FBXO4: variants seen among roughly 807,000 people sequenced by gnomAD.
The protein encoded by FBXO4 is F-box protein 4.
Under a neutral mutation model 43.7 loss-of-function variants are expected in FBXO4, and 36 were observed. That is an observed-to-expected ratio of 0.82 (90% CI 0.63 to 1.09). The LOEUF (loss-of-function observed/expected upper bound fraction) is 1.09, where lower values mean the gene tolerates loss of function less well. Ranked by LOEUF, FBXO4 falls within the 50% of genes least tolerant of loss-of-function variation. The pLI, the probability that FBXO4 is intolerant of heterozygous loss-of-function variation, is 0.00. For missense variants in FBXO4, 435 were observed against 474.1 expected, an observed-to-expected ratio of 0.92 and a Z score of 0.77; for synonymous variants, 180 against 165.6, an observed-to-expected ratio of 1.09 and a Z score of -0.67.
chr5:42,033,920 C>T, the FBXO4 span, among the ~76,000 whole-genome samples: 1 of 152,116 alleles, frequency 6.6e-6, no homozygotes, highest in Non-Finnish European at 1.5e-5. Context: ...GTTCTAGATC[C>T]TTGAGGAATC....
chr5:41,930,650 TTTTC>T (rs59530568), intron 3 of FBXO4, among the ~76,000 whole-genome samples: 47 of 150,412 alleles, frequency 3.1e-4, no homozygotes, highest in East Asian at 2.7e-3. Context: ...AACTACATTT[TTTTC>T]TTTCTTTCTT....
chr5:42,023,138 G>A, the FBXO4 span, among the ~76,000 whole-genome samples: 3 of 151,998 alleles, frequency 2.0e-5, no homozygotes, highest in Non-Finnish European at 2.9e-5. Context: ...TTCTAGGACC[G>A]AATACGTGGG....
the FBXO4 span, among the ~76,000 whole-genome samples, chr5:41,950,857 A>G: frequency 6.6e-6 from 1 of 152,242 alleles, no homozygotes; most frequent in African/African-American, 2.4e-5. Context: ...TGTGCCACAT[A>G]TACACCATGG....
the FBXO4 span, among the ~76,000 whole-genome samples, chr5:41,997,166 G>A: frequency 6.6e-6 from 1 of 152,190 alleles, no homozygotes; most frequent in South Asian, 2.1e-4. Context: ...CTGCATACCA[G>A]CTACCAGGAG....
the FBXO4 span, among the ~76,000 whole-genome samples, chr5:41,996,706 A>G: frequency 6.6e-6 from 1 of 152,204 alleles, no homozygotes; most frequent in African/African-American, 2.4e-5. Context: ...CCCACTAGGC[A>G]TTGTGCATCT....
chr5:41,986,997 T>C, the FBXO4 span, among the ~76,000 whole-genome samples: 21 of 152,152 alleles, frequency 1.4e-4, no homozygotes, highest in Non-Finnish European at 2.8e-4. Context: ...CCATTTAGCT[T>C]TAATGCCTGA....
At chr5:41,984,320 T>A in the FBXO4 span, among the ~76,000 whole-genome samples, 4 of 152,330 alleles carry the variant, frequency 2.6e-5, no homozygotes, top group Admixed American at 6.5e-5. Context: ...GTAAAATCTT[T>A]CAAATTTACT....
chr5:41,960,663 T>A, the FBXO4 span, among the ~76,000 whole-genome samples: 20 of 152,184 alleles, frequency 1.3e-4, no homozygotes, highest in African/African-American at 4.3e-4. Flanking sequence ...TATTGTTTGA[T>A]CATGGTGAAT....
At chr5:41,958,156 A>G in the FBXO4 span, among the ~76,000 whole-genome samples, 1 of 135,132 alleles carries the variant, frequency 7.4e-6, no homozygotes. Context: ...TTTTTTTGAG[A>G]CGGAGTCTCG....
chr5:42,029,649 T>C, the FBXO4 span, among the ~76,000 whole-genome samples: 1 of 151,970 alleles, frequency 6.6e-6, no homozygotes, highest in Non-Finnish European at 1.5e-5. Context: ...TTTTATTTTT[T>C]CTTTTATCTC....
At chr5:42,006,073 T>C in the FBXO4 span, among the ~76,000 whole-genome samples, 2 of 152,114 alleles carry the variant, frequency 1.3e-5, no homozygotes, top group East Asian at 3.8e-4. Flanking sequence ...TATTGACATA[T>C]GTTGACATAT....
chr5:41,980,818 A>G, the FBXO4 span, among the ~76,000 whole-genome samples: 4 of 151,876 alleles, frequency 2.6e-5, no homozygotes, highest in Non-Finnish European at 5.9e-5. Flanking sequence ...TTTCTGAGAT[A>G]AAAAGAATAT....
chr5:41,929,867 C>T lies in FBXO4; in HGVS notation c.596C>T (p.Ser199Phe). Residue 199 changes from serine to phenylalanine, a missense_variant, in exon 3 of 7, where the codon TCT becomes TTT. Transcript: ENST00000281623. ...ACCTCTTTGGTGTTGAGCTTGATGT[C>T]TTCAGAGGAACTTTGCCCAACAGCT... ...LNTSLVLSLM[S>F]SEELCPTAGL... The T allele has an allele frequency of 1.2e-6, 2 of 1,613,750 alleles. No individual in the cohort carries two copies. The highest frequency in any genetic ancestry group is 3.3e-5 in the Admixed American group (2 of 59,876).
chr5:41,998,280 C>T, the FBXO4 span, among the ~76,000 whole-genome samples: 1 of 152,196 alleles, frequency 6.6e-6, no homozygotes, highest in Non-Finnish European at 1.5e-5. Context: ...ATCTGATATA[C>T]AGAGAAGAGC....
intron 3 of FBXO4, among the ~76,000 whole-genome samples, chr5:41,932,750 A>T (rs1254795491): frequency 6.6e-6 from 1 of 152,184 alleles, no homozygotes; most frequent in Non-Finnish European, 1.5e-5. Flanking sequence ...GATGATGACA[A>T]TGTGAACTAA....
the FBXO4 span, among the ~76,000 whole-genome samples, chr5:41,964,714 A>G: frequency 1.3e-5 from 2 of 150,922 alleles, no homozygotes; most frequent in Non-Finnish European, 2.9e-5. Flanking sequence ...TCCTTCGCCC[A>G]CTTGTTGATG....
At chr5:41,972,091 C>T in the FBXO4 span, among the ~76,000 whole-genome samples, 2 of 152,006 alleles carry the variant, frequency 1.3e-5, no homozygotes, top group Non-Finnish European at 2.9e-5. Flanking sequence ...CTAGCCAGAG[C>T]AATCAGTCAA....
At chr5:42,006,295 C>T in the FBXO4 span, among the ~76,000 whole-genome samples, 6 of 151,978 alleles carry the variant, frequency 3.9e-5, no homozygotes, top group Admixed American at 3.9e-4. Flanking sequence ...AGTTTATTTT[C>T]TATTATCTTA....
chr5:42,005,236 A>G, the FBXO4 span, among the ~76,000 whole-genome samples: 1 of 152,154 alleles, frequency 6.6e-6, no homozygotes, highest in Non-Finnish European at 1.5e-5. Flanking sequence ...CTTTCTAAGA[A>G]ATTGAAACAG....
Sources: gnomAD v4.1 joint callset for allele counts (sites outside exome capture counted in the v4.1 genomes callset) on GRCh38, gnomAD v4.1.1 for gene constraint, MANE v1.5 for transcripts, NCBI Gene and HGNC (gene_info 2026-07-23, HGNC 2026-07-21) for gene names.